The following GRIK4 variants were observed in gnomAD, a reference collection of about 807,000 sequenced individuals.
GRIK4 encodes the protein glutamate receptor ionotropic, kainate 4.
In GRIK4, 40 loss-of-function variants were observed where a neutral mutation model predicts 104.9. The observed-to-expected ratio is 0.38, with a 90% confidence interval of 0.30 to 0.50. The LOEUF is 0.50. Among genes scored for constraint, GRIK4 ranks in the 20% least tolerant of loss-of-function variants. The pLI, the probability that GRIK4 is intolerant of heterozygous loss-of-function variation, is 0.93. For missense variants in GRIK4, 1,047 were observed against 1,308.1 expected (o/e 0.80, Z 3.08); for synonymous variants, 485 against 524.9 (o/e 0.92, Z 1.04).
chr11:120,532,744 A>G (rs1191115674), intron 1 of GRIK4, among the ~76,000 whole-genome samples: 2 of 152,078 alleles, frequency 1.3e-5, no homozygotes, highest in Non-Finnish European at 2.9e-5. Flanking sequence ...TCATCCCTCA[A>G]CCAGAGTTTT....
chr11:120,915,442 G>C (rs1275709338), intron 13 of GRIK4, among the ~76,000 whole-genome samples: 1 of 152,040 alleles, frequency 6.6e-6, no homozygotes, highest in Non-Finnish European at 1.5e-5. Context: ...CTGCGGCTGG[G>C]CTCTCCCATC....
chr11:120,764,256 G>A (rs1006956638), intron 3 of GRIK4, among the ~76,000 whole-genome samples: 1 of 151,904 alleles, frequency 6.6e-6, no homozygotes, highest in Admixed American at 6.5e-5. Context: ...TCAGAGACTA[G>A]GATTGCAACC....
intron 3 of GRIK4, among the ~76,000 whole-genome samples, chr11:120,773,458 A>G (rs1951984098): frequency 6.6e-6 from 1 of 152,242 alleles, no homozygotes; most frequent in Non-Finnish European, 1.5e-5. Context: ...GCAACAGGAA[A>G]ACCACCAGGG....
At chr11:120,612,049 C>T (rs552445061) in intron 1 of GRIK4, among the ~76,000 whole-genome samples, 20 of 152,252 alleles carry the variant, frequency 1.3e-4, no homozygotes, top group African/African-American at 4.8e-4. Flanking sequence ...CAAAGCCTTC[C>T]CTAGTAATTC....
chr11:120,983,463 T>C (rs2134805629), intron 20 of GRIK4, among the ~76,000 whole-genome samples: 1 of 152,338 alleles, frequency 6.6e-6, no homozygotes, highest in South Asian at 2.1e-4. Flanking sequence ...GAGAATCTAC[T>C]GGGCCTTATT....
intron 3 of GRIK4, among the ~76,000 whole-genome samples, chr11:120,735,542 G>A (rs1226939748): frequency 6.6e-6 from 1 of 152,048 alleles, no homozygotes; most frequent in Non-Finnish European, 1.5e-5. Flanking sequence ...CCAGTACCTG[G>A]TTACCACCTA....
intron 1 of GRIK4, among the ~76,000 whole-genome samples, chr11:120,519,882 TTTTTTTTTTG>T (rs1484943433): frequency 1.9e-5 from 1 of 51,352 alleles, no homozygotes; most frequent in African/African-American, 6.7e-5. Flanking sequence ...TTTTTTTTGT[TTTTTTTTTTG>T]TTGTTGTTGT....
chr11:120,554,988 C>G (rs926871919), intron 1 of GRIK4, among the ~76,000 whole-genome samples: 1 of 152,126 alleles, frequency 6.6e-6, no homozygotes, highest in Non-Finnish European at 1.5e-5. Context: ...AGAGGGAGAC[C>G]GCAACCACAC....
chr11:120,686,674 C>T (rs1950281593), intron 3 of GRIK4, among the ~76,000 whole-genome samples: 1 of 152,224 alleles, frequency 6.6e-6, no homozygotes, highest in South Asian at 2.1e-4. Flanking sequence ...GCTGTCTCAA[C>T]GTTATTGCCG....
intron 1 of GRIK4, among the ~76,000 whole-genome samples, chr11:120,605,017 C>T (rs1469849568): frequency 2.0e-5 from 3 of 152,152 alleles, no homozygotes; most frequent in East Asian, 3.8e-4. Context: ...TGTGCACCAC[C>T]GTACCTGCCT....
chr11:120,725,916 C>G (rs1219612072), intron 3 of GRIK4, among the ~76,000 whole-genome samples: 2 of 152,082 alleles, frequency 1.3e-5, no homozygotes, highest in African/African-American at 2.4e-5. Flanking sequence ...GGGGGGTATA[C>G]AGACAGACAA....
chr11:120,759,413 T>C (rs747505153), intron 3 of GRIK4, among the ~76,000 whole-genome samples: 1 of 152,216 alleles, frequency 6.6e-6, no homozygotes, highest in South Asian at 2.1e-4. Flanking sequence ...TTCACTCCAC[T>C]GTCCACAGCC....
At chr11:120,784,849 C>A (rs1952231776) in intron 3 of GRIK4, among the ~76,000 whole-genome samples, 1 of 152,094 alleles carries the variant, frequency 6.6e-6, no homozygotes, top group Non-Finnish European at 1.5e-5. Context: ...GAGCAGGGGA[C>A]AGAACTACTT....
chr11:120,956,294 C>T lies in GRIK4; in HGVS notation c.1701-486C>T, dbSNP rs11218083. 0.057 allele frequency among the ~76,000 whole-genome samples: 8,602 copies of T among 151,864 alleles called. 319 individuals carry two copies. Among genetic ancestry groups the T allele is most frequent in the Middle Eastern group, 0.092 (27 of 294 alleles). ...TTGGCTCACTGCAGCCTTTACCTCC[C>T]GGACTCAAGTGATTCTCCCACCTCA... On this transcript the variant is annotated intron_variant, in intron 15 of 20. Coordinates refer to ENST00000527524, the MANE Select transcript of GRIK4 (RefSeq NM_014619.5). The surrounding 1 kb of genome is among the most constrained non-coding windows in gnomAD (Gnocchi z 4.6).
intron 1 of GRIK4, among the ~76,000 whole-genome samples, chr11:120,525,281 C>T (rs1947844430): frequency 6.6e-6 from 1 of 152,188 alleles, no homozygotes; most frequent in Non-Finnish European, 1.5e-5. Flanking sequence ...AGGAACTTGC[C>T]TGAGATCATG....
At chr11:120,981,253 C>T (rs1189319119) in intron 19 of GRIK4, among the ~76,000 whole-genome samples, 1 of 152,170 alleles carries the variant, frequency 6.6e-6, no homozygotes, top group Non-Finnish European at 1.5e-5. Context: ...GGAAATGAAA[C>T]AGCCATATCA....
At chr11:120,692,797 T>G (rs529908408) in intron 3 of GRIK4, among the ~76,000 whole-genome samples, 10 of 152,320 alleles carry the variant, frequency 6.6e-5, no homozygotes, top group South Asian at 2.1e-4. Context: ...AGTGGTATGA[T>G]CTCAGCTCAC....
In GRIK4 at chr11:120,905,270, G is replaced by A. The variant is rs1210216292; in HGVS notation, c.1273-20G>A. 3.2e-6 allele frequency: 5 copies of A among 1,566,544 alleles called. No individual in the cohort carries two copies. Among genetic ancestry groups the A allele is most frequent in the Non-Finnish European group, 4.4e-6 (5 of 1,137,162 alleles). ...CACCAGGGCTAAGATGAGAATGACA[G>A]CTGCCCAGTTTTGCTGCAGGAGAAC... On this transcript the variant is annotated intron_variant, in intron 12 of 20. Coordinates refer to ENST00000527524, the MANE Select transcript of GRIK4 (RefSeq NM_014619.5). The surrounding 1 kb of genome is among the most constrained non-coding windows in gnomAD (Gnocchi z 5.1).
intron 6 of GRIK4, among the ~76,000 whole-genome samples, chr11:120,829,124 G>T (rs1953354248): frequency 6.6e-6 from 1 of 152,158 alleles, no homozygotes; most frequent in African/African-American, 2.4e-5. Context: ...GACGTGGGGA[G>T]GTTGCCTTTG....
Sources: allele counts gnomAD v4.1 joint callset (sites outside exome capture counted in the v4.1 genomes callset), GRCh38; gene constraint gnomAD v4.1.1; non-coding constraint Gnocchi (gnomAD v3.1); transcripts MANE v1.5; gene names NCBI Gene and HGNC (gene_info 2026-07-23, HGNC 2026-07-21).